MRM1: variants seen among roughly 807,000 people sequenced by gnomAD.
The protein encoded by MRM1 is rRNA methyltransferase 1, mitochondrial.
MRM1 carries 24 observed loss-of-function variants against 25.0 expected under a neutral mutation model. The ratio of observed to expected loss-of-function variants is 0.96; its 90% confidence interval spans 0.69 to 1.35. MRM1 has a LOEUF of 1.35. MRM1 is among the 40% of genes most tolerant of loss of function. MRM1 has a pLI of 0.00. For synonymous variants in MRM1, 188 were observed against 199.2 expected (o/e 0.94, Z 0.47); for missense variants, 431 against 464.1 (o/e 0.93, Z 0.65).
chr17:36,618,064 G>T, the MRM1 span, among the ~76,000 whole-genome samples: 2 of 152,168 alleles, frequency 1.3e-5, no homozygotes, highest in African/African-American at 4.8e-5. Context: ...GCAGCAGCTG[G>T]GCAGCCTGGG....
the MRM1 span, among the ~76,000 whole-genome samples, chr17:36,626,041 G>T: frequency 6.6e-6 from 1 of 150,716 alleles, no homozygotes; most frequent in Non-Finnish European, 1.5e-5. Context: ...TGTTCCTTGC[G>T]TCTGTGTCAG....
chr17:36,607,829 C>T (rs2074944586), intron 3 of MRM1, 27 bp downstream of exon 3: 2 of 1,612,386 alleles, frequency 1.2e-6, no homozygotes, highest in Non-Finnish European at 1.7e-6. Context: ...GCGTTTGTGC[C>T]CAGATTACAT....
the MRM1 span, among the ~76,000 whole-genome samples, chr17:36,633,603 GGAGGAGGAA>G: frequency 6.6e-6 from 1 of 151,606 alleles, no homozygotes; most frequent in South Asian, 2.1e-4. Flanking sequence ...GAAGAGAAGG[GGAGGAGGAA>G]GAGGAGGAAA....
chr17:36,611,128 G>A (rs184198862), downstream of MRM1, among the ~76,000 whole-genome samples: 1 of 152,210 alleles, frequency 6.6e-6, no homozygotes, highest in East Asian at 1.9e-4. Flanking sequence ...ATTTCTTAAA[G>A]CTACTAGTTG....
At chr17:36,633,539 C>T in the MRM1 span, among the ~76,000 whole-genome samples, 8 of 142,734 alleles carry the variant, frequency 5.6e-5, no homozygotes, top group African/African-American at 2.1e-4. Context: ...GAGGAGGGGA[C>T]GAAGAGGAAG....
At chr17:36,623,875 T>G in the MRM1 span, among the ~76,000 whole-genome samples, 1 of 152,264 alleles carries the variant, frequency 6.6e-6, no homozygotes, top group East Asian at 1.9e-4. Flanking sequence ...CTGCTTCCAC[T>G]TCATGCCCGG....
the MRM1 span, among the ~76,000 whole-genome samples, chr17:36,619,820 T>C: frequency 5.3e-5 from 8 of 152,216 alleles, no homozygotes; most frequent in African/African-American, 1.9e-4. Flanking sequence ...CCAAGAGTGC[T>C]CAAGGGTTCC....
chr17:36,603,846 G>A lies in MRM1; in HGVS notation c.636+1200G>A, dbSNP rs1377558743. On this transcript the variant is annotated intron_variant, in intron 2 of 4. Transcript: ENST00000614766. ...TATATTGAACAGCACATATCTAGAA[G>A]CATTTTTTGGCTTCACTTTTTTGTA... Among the ~76,000 whole-genome samples the A allele has an allele frequency of 2.0e-5, 3 of 152,156 alleles. No individual in the cohort carries two copies. In the South Asian group the frequency reaches 6.2e-4, roughly 32 times the overall value.
At chr17:36,614,373 C>A in the MRM1 span, among the ~76,000 whole-genome samples, 1 of 152,222 alleles carries the variant, frequency 6.6e-6, no homozygotes, top group Non-Finnish European at 1.5e-5. Context: ...GTGCCTCTCA[C>A]TTCTGGGCCT....
chr17:36,612,351 C>T (rs1287440835), downstream of MRM1, among the ~76,000 whole-genome samples: 1 of 152,224 alleles, frequency 6.6e-6, no homozygotes, highest in Admixed American at 6.5e-5. Context: ...GCCATACACA[C>T]ACAGGTGTGT....
At chr17:36,628,945 T>TGAGA in the MRM1 span, among the ~76,000 whole-genome samples, 1 of 149,620 alleles carries the variant, frequency 6.7e-6, no homozygotes, top group Non-Finnish European at 1.5e-5. Flanking sequence ...GGAGAGTGAG[T>TGAGA]GAGAGAGAGA....
rs1215285042 is a variant in MRM1, at chr17:36,608,007, C to T, written c.878C>T (p.Ser293Phe). 4 of 1,614,158 alleles carry T rather than the reference C, an allele frequency of 2.5e-6. No individual in the cohort carries two copies. The highest frequency in any genetic ancestry group is 3.4e-6 in the Non-Finnish European group (4 of 1,180,034). The change falls in exon 4 of 5, where the codon TCT becomes TTT. Residue 293 changes from serine to phenylalanine, a missense_variant. Transcript: ENST00000614766. ...CCTGGACTTGAGTCCTTGAACGTCTCTGTGGCTGCAGGTGAGTCTACTCCC... is the reference window on the plus strand; with the variant it reads ...CCTGGACTTGAGTCCTTGAACGTCTTTGTGGCTGCAGGTGAGTCTACTCCC... ...LPPGLESLNV[S>F]VAAGILLHSI...
chr17:36,630,703 T>G, the MRM1 span, among the ~76,000 whole-genome samples: 1 of 152,120 alleles, frequency 6.6e-6, no homozygotes, highest in Non-Finnish European at 1.5e-5. Flanking sequence ...TCTGTAACCC[T>G]CGACTCCTGG....
the MRM1 span, among the ~76,000 whole-genome samples, chr17:36,625,946 C>G: frequency 6.6e-5 from 10 of 152,098 alleles, no homozygotes; most frequent in Non-Finnish European, 1.0e-4. Flanking sequence ...CTCATCACCC[C>G]CTAAAGCCTC....
the MRM1 span, among the ~76,000 whole-genome samples, chr17:36,626,529 A>C: frequency 2.6e-5 from 4 of 152,118 alleles, no homozygotes; most frequent in African/African-American, 9.6e-5. Flanking sequence ...CACCTGGCTA[A>C]TTTTTGTATT....
intron 2 of MRM1, among the ~76,000 whole-genome samples, chr17:36,606,381 TGGGCTCTTCCTTGGCCA>T (rs2074928055): frequency 6.6e-6 from 1 of 151,752 alleles, no homozygotes; most frequent in South Asian, 2.1e-4. Flanking sequence ...TGGGCAAGGC[TGGGCTCTTCCTTGGCCA>T]GGGCTCTGAT....
the MRM1 span, among the ~76,000 whole-genome samples, chr17:36,619,361 A>G: frequency 6.6e-6 from 1 of 152,126 alleles, no homozygotes; most frequent in Admixed American, 6.5e-5. Flanking sequence ...TGGGTGTGCA[A>G]ATATCGCTTC....
chr17:36,603,807 T>C (rs1410431896), intron 2 of MRM1, among the ~76,000 whole-genome samples: 3 of 152,246 alleles, frequency 2.0e-5, no homozygotes, highest in East Asian at 3.8e-4. Context: ...TAGCCACATG[T>C]AGCTAGTGGC....
chr17:36,607,222 G>C (rs2074937916), intron 2 of MRM1, among the ~76,000 whole-genome samples: 1 of 152,106 alleles, frequency 6.6e-6, no homozygotes, highest in Non-Finnish European at 1.5e-5. Context: ...GGCCAGGCTA[G>C]TTTTGAACTC....
Sources: gnomAD v4.1 joint callset for allele counts (sites outside exome capture counted in the v4.1 genomes callset) on GRCh38, gnomAD v4.1.1 for gene constraint, MANE v1.5 for transcripts, NCBI Gene and HGNC (gene_info 2026-07-23, HGNC 2026-07-21) for gene names.